Variants in BICD2 observed in about 807,000 individuals in gnomAD.
BICD2 encodes the protein protein bicaudal D homolog 2.
Under a neutral mutation model 72.9 loss-of-function variants are expected in BICD2, and 25 were observed. That is an observed-to-expected ratio of 0.34 (90% confidence interval 0.25 to 0.48). The LOEUF is 0.48. BICD2 is among the 20% of genes least tolerant of loss of function. The probability of loss-of-function intolerance (pLI) is 0.99; values close to 1 mark genes in which losing one functional copy is unlikely to be tolerated. For missense variants in BICD2, 894 were observed against 1,175.2 expected, an observed-to-expected ratio of 0.76 and a Z score of 3.50; for synonymous variants, 501 against 516.1, an observed-to-expected ratio of 0.97 and a Z score of 0.40.
chr9:92,733,845 T>C (rs537720051), intron 1 of BICD2, among the ~76,000 whole-genome samples: 1 of 151,928 alleles, frequency 6.6e-6, no homozygotes, highest in African/African-American at 2.4e-5. Context: ...CGGGCGCCCG[T>C]AGTCCCAGCT....
chr9:92,718,350 C>T (rs975282602), intron 5 of BICD2, among the ~76,000 whole-genome samples, 189 bp downstream of exon 5: 3 of 152,244 alleles, frequency 2.0e-5, no homozygotes, highest in African/African-American at 7.2e-5. Flanking sequence ...ACCCACCTGC[C>T]TGCTCCACCC....
chr9:92,730,081 C>T (rs577359654), intron 1 of BICD2, among the ~76,000 whole-genome samples: 19 of 152,340 alleles, frequency 1.2e-4, no homozygotes, highest in Non-Finnish European at 2.1e-4. Context: ...TGCCATCCCT[C>T]TCCTTCCCTC....
chr9:92,715,107 T>G lies in BICD2; in HGVS notation c.*47A>C. ...CGCCGTCCCGCTGCTGCTGGGTTAG[T>G]TGAGGTGAAGCAGATGTTAGCTGCA... On this transcript the variant is annotated 3_prime_UTR_variant, in exon 7 of 7. Coordinates refer to ENST00000356884, the MANE Select transcript of BICD2 (RefSeq NM_001003800.2). 5.9e-6 allele frequency: 9 copies of G among 1,531,264 alleles called. No homozygotes were observed. Among genetic ancestry groups the G allele is most frequent in the Non-Finnish European group, 7.9e-6 (9 of 1,135,762 alleles). 94.9% of individuals were successfully genotyped at this position (1,531,264 alleles called of 1,614,324 possible). A position where few individuals can be genotyped will look rare whatever the true frequency, so the allele number is the denominator to read the frequency against.
At chr9:92,757,312 CAAAAAA>C (rs1169381290) in intron 1 of BICD2, among the ~76,000 whole-genome samples, 19,061 of 51,616 alleles carry the variant, frequency 0.37, 2,030 homozygotes, top group East Asian at 0.69. Context: ...AGACTGTCTC[CAAAAAA>C]AAAAAAAAAA....
At chr9:92,740,820 C>T (rs1274344080) in intron 1 of BICD2, among the ~76,000 whole-genome samples, 8 of 152,156 alleles carry the variant, frequency 5.3e-5, no homozygotes, top group Non-Finnish European at 1.2e-4. Flanking sequence ...CCACAGGCAA[C>T]GTGAGGACTG....
intron 6 of BICD2, among the ~76,000 whole-genome samples, chr9:92,717,298 CCTCAGT>C (rs1214934682): frequency 6.6e-6 from 1 of 152,224 alleles, no homozygotes; most frequent in East Asian, 1.9e-4. Context: ...GCCCTTCTGC[CCTCAGT>C]CTCCATATAT....
chr9:92,752,331 CT>C (rs1302214242), intron 1 of BICD2, among the ~76,000 whole-genome samples: 1 of 131,658 alleles, frequency 7.6e-6, no homozygotes, highest in Admixed American at 7.9e-5. Flanking sequence ...GAAGGAAGCA[CT>C]TTAAAAAAAA....
intron 6 of BICD2, among the ~76,000 whole-genome samples, chr9:92,715,703 C>G (rs1042145844): frequency 6.6e-6 from 1 of 152,222 alleles, no homozygotes; most frequent in Non-Finnish European, 1.5e-5. Context: ...CAGGGCAGCC[C>G]TATGAGGCTG....
chr9:92,724,778 GCACAAGCCAAGT>G (rs1853533128), intron 2 of BICD2, among the ~76,000 whole-genome samples: 1 of 152,202 alleles, frequency 6.6e-6, no homozygotes, highest in African/African-American at 2.4e-5. Context: ...TAGGGGAGCT[GCACAAGCCAAGT>G]CACACCCAGG....
At chr9:92,719,896 G>A (rs578085415) in intron 4 of BICD2, among the ~76,000 whole-genome samples, 17 of 152,320 alleles carry the variant, frequency 1.1e-4, no homozygotes, top group African/African-American at 4.1e-4. Flanking sequence ...GTGTGTAGTC[G>A]GGAATATTAG....
intron 1 of BICD2, among the ~76,000 whole-genome samples, chr9:92,753,847 A>C (rs1854200416): frequency 6.6e-6 from 1 of 151,670 alleles, no homozygotes; most frequent in African/African-American, 2.4e-5. Flanking sequence ...CCGGTAGCAC[A>C]GTTTTATACA....
Position 92,719,364 on chromosome 9 carries a change from C to T in BICD2, c.1281G>A (p.Val427=), listed in dbSNP as rs1853407655. Residue 427 remains valine, a synonymous_variant, in exon 5 of 7, where the codon GTG becomes GTA. Transcript: ENST00000356884. ...DSHEDGDYYE[V]DINGPEILAC... ...CCAAGATCTCAGGCCCGTTGATGTC[C>T]ACCTCGTAGTAGTCCCCATCCTCAT... 1 of 1,614,234 alleles carries T rather than the reference C, an allele frequency of 6.2e-7. No individual in the cohort carries two copies. Among genetic ancestry groups the T allele is most frequent in the African/African-American group, 1.3e-5 (1 of 75,066 alleles).
Position 92,720,590 on chromosome 9 carries a change from G to A in BICD2, c.772C>T (p.Arg258Cys), listed in dbSNP as rs1002664605. Reference protein sequence around the residue: ...KTEREQKNSLRKELSHYMSIN... With the variant: ...KTEREQKNSLCKELSHYMSIN... ...CTCATGTAGTGTGACAGCTCCTTGC[G>A]CAGGCTGTTCTTCTGTTCGCGCTCC... Residue 258 changes from arginine (R) to cysteine (C), a missense_variant, in exon 4 of 7, where the codon CGC (arginine) becomes TGC (cysteine). Around this residue, in one of 5 missense-constraint regions of BICD2, gnomAD observed 371 missense variants for 439.1 expected, o/e 0.84. Transcript: ENST00000356884. This position sits in a 1 kb window ranked among gnomAD's most constrained non-coding sequence, Gnocchi z 5.4. The A allele has an allele frequency of 4.3e-6, 7 of 1,614,198 alleles. No individual in the cohort carries two copies. Among genetic ancestry groups the A allele is most frequent in the Non-Finnish European group, 5.1e-6 (6 of 1,180,042 alleles).
At position 92,744,853 on chromosome 9, in the gene BICD2, GA is replaced by G. The variant is rs1428844948; in HGVS notation, c.241-15618del. Among the ~76,000 whole-genome samples the G allele has an allele frequency of 6.0e-5, 9 of 150,966 alleles. No individual in the cohort carries two copies. In the East Asian group the frequency reaches 7.8e-4, roughly 13 times the overall value. On this transcript the variant is annotated intron_variant, in intron 1 of 6. Coordinates refer to ENST00000356884, the MANE Select transcript of BICD2 (RefSeq NM_001003800.2). Reference sequence around the variant, plus strand: ...GAGACTCCGTCTCAGAAAAAAAAAAGAAAAAAAAGGAAAAGCTGCAGAATAG... The same window carrying G: ...GAGACTCCGTCTCAGAAAAAAAAAAGAAAAAAAGGAAAAGCTGCAGAATAG...
chr9:92,740,067 C>A (rs1405094204), intron 1 of BICD2, among the ~76,000 whole-genome samples: 1 of 152,168 alleles, frequency 6.6e-6, no homozygotes, highest in Non-Finnish European at 1.5e-5. Context: ...TTAATCAAAC[C>A]TATCGTGACC....
At chr9:92,750,285 C>A (rs554656764) in intron 1 of BICD2, among the ~76,000 whole-genome samples, 3 of 152,254 alleles carry the variant, frequency 2.0e-5, no homozygotes, top group Non-Finnish European at 4.4e-5. Context: ...TACAATCCAG[C>A]GATCAGACTC....
chr9:92,738,050 G>A (rs910658879), intron 1 of BICD2, among the ~76,000 whole-genome samples: 3 of 152,214 alleles, frequency 2.0e-5, no homozygotes, highest in Non-Finnish European at 2.9e-5. Context: ...CCCACTTCCC[G>A]GCGGCACAGC....
At chr9:92,734,477 G>A (rs1390758060) in intron 1 of BICD2, among the ~76,000 whole-genome samples, 1 of 145,862 alleles carries the variant, frequency 6.9e-6, no homozygotes, top group African/African-American at 2.6e-5. Context: ...TCGCACCACT[G>A]TACTCCAGCC....
chr9:92,756,077 C>A lies in BICD2; in HGVS notation c.240+8428G>T, dbSNP rs372453588. On this transcript the variant is annotated intron_variant, in intron 1 of 6. Transcript: ENST00000356884. ...CCTCAATGGTAGGACAGTGACAATA[C>A]TAGTTCCTCCCTTCTGGTTTAGAAG... Among the ~76,000 whole-genome samples the A allele has an allele frequency of 1.1e-4, 16 of 152,310 alleles. No individual in the cohort carries two copies. In the South Asian group the frequency reaches 1.7e-3, roughly 16 times the overall value.
Sources: gnomAD v4.1 joint callset for allele counts (sites outside exome capture counted in the v4.1 genomes callset) on GRCh38, gnomAD v4.1.1 for gene constraint, gnomAD v4.1.1 regional missense constraint, Gnocchi (gnomAD v3.1) non-coding constraint, MANE v1.5 for transcripts, NCBI Gene and HGNC (gene_info 2026-07-23, HGNC 2026-07-21) for gene names.